PTGFRN: variants seen among roughly 807,000 people sequenced by gnomAD.
PTGFRN encodes prostaglandin F2 receptor negative regulator.
A neutral mutation model predicts 83.2 loss-of-function variants in PTGFRN; 35 were observed. The ratio of observed to expected loss-of-function variants is 0.42; its 90% CI spans 0.32 to 0.56. PTGFRN has a LOEUF of 0.56. Among genes scored for constraint, PTGFRN ranks in the 20% least tolerant of loss-of-function variants. The pLI, the probability that PTGFRN is intolerant of heterozygous loss-of-function variation, is 0.11. For missense variants in PTGFRN, 1,051 were observed against 1,179.5 expected (o/e 0.89, Z 1.60); for synonymous variants, 519 against 498.6 (o/e 1.04, Z -0.55).
At chr1:116,944,553 C>T in intron 2 of PTGFRN, 126 bp from the exon 3 acceptor site, 1 of 964,270 alleles carries the variant, frequency 1.0e-6, no homozygotes, top group African/African-American at 1.7e-5. Flanking sequence ...GTTGGGAAAA[C>T]GTGCCCATCC....
Position 116,961,704 on chromosome 1 carries a change from G to C in PTGFRN, c.1639+36G>C. On this transcript the variant is annotated intron_variant, in intron 5 of 8. Transcript: ENST00000393203. This position sits in a 1 kb window ranked among gnomAD's most constrained non-coding sequence, Gnocchi z 5.4. ...TTTTCTTGTTATTCATTTTTGTTTT[G>C]TCTTTGCTTAAGTCGTGCCGCTGTG... is the stretch of plus-strand genomic sequence containing the variant. The C allele has an allele frequency of 6.4e-7, 1 of 1,572,368 alleles. No homozygotes were observed. Among genetic ancestry groups the C allele is most frequent in the Non-Finnish European group, 8.6e-7 (1 of 1,158,258 alleles).
At chr1:116,984,315 C>T (rs1454006525) in intron 7 of PTGFRN, among the ~76,000 whole-genome samples, 7 of 152,026 alleles carry the variant, frequency 4.6e-5, no homozygotes, top group South Asian at 2.1e-4. Context: ...TACCAGCTTT[C>T]GGATCAGTGT....
At chr1:116,945,158 C>T (rs1221128856) in intron 3 of PTGFRN, 66 bp downstream of exon 3, 4 of 1,524,054 alleles carry the variant, frequency 2.6e-6, no homozygotes, top group South Asian at 1.3e-5. Context: ...TACAAAGAAC[C>T]GGGCCAGGGA....
intron 4 of PTGFRN, among the ~76,000 whole-genome samples, chr1:116,957,352 G>C (rs1403755728): frequency 6.6e-6 from 1 of 151,946 alleles, no homozygotes; most frequent in East Asian, 1.9e-4. Context: ...AGTGAGCTTT[G>C]GGGTGTGAGC....
At chr1:116,938,507 T>G (rs1649978611) in intron 1 of PTGFRN, among the ~76,000 whole-genome samples, 1 of 152,108 alleles carries the variant, frequency 6.6e-6, no homozygotes, top group African/African-American at 2.4e-5. Flanking sequence ...CTCACGAGAC[T>G]TACTCATTAT....
In PTGFRN at chr1:116,949,260, A is replaced by G. The variant is rs754225754; in HGVS notation, c.901A>G (p.Ile301Val). ...AAAGGAACTGGACCTGACCTGTAAC[A>G]TCACAACAGACCGAGCCGATGACGT... ...EGKELDLTCN[I>V]TTDRADDVRP... Residue 301 changes from isoleucine to valine, a missense_variant, in exon 4 of 9, where the codon ATC becomes GTC. Ile to Val is a conservative substitution (Grantham distance 29). Around this residue, in one of 3 missense-constraint regions of PTGFRN, gnomAD observed 719 missense variants for 836.6 expected, o/e 0.86. Coordinates refer to ENST00000393203, the MANE Select transcript of PTGFRN (RefSeq NM_020440.4). The G allele has an allele frequency of 6.2e-6, 10 of 1,614,068 alleles. No homozygotes were observed. Among genetic ancestry groups the G allele is most frequent in the Non-Finnish European group, 8.5e-6 (10 of 1,180,000 alleles).
chr1:116,913,721 T>G (rs1281632426), intron 1 of PTGFRN, among the ~76,000 whole-genome samples: 1 of 152,232 alleles, frequency 6.6e-6, no homozygotes, highest in East Asian at 1.9e-4. Context: ...GTTTGATACA[T>G]ATTGGCTGAC....
At chr1:116,947,920 G>A (rs1570659903) in intron 3 of PTGFRN, among the ~76,000 whole-genome samples, 1 of 152,190 alleles carries the variant, frequency 6.6e-6, no homozygotes, top group Admixed American at 6.5e-5. Context: ...CTAATACTGT[G>A]CCCACCTTAT....
At chr1:116,975,926 A>G (rs1490507748) in intron 7 of PTGFRN, among the ~76,000 whole-genome samples, 1 of 152,262 alleles carries the variant, frequency 6.6e-6, no homozygotes, top group Non-Finnish European at 1.5e-5. Context: ...AACTTCTCTG[A>G]GCTAAAGGAG....
intron 7 of PTGFRN, among the ~76,000 whole-genome samples, chr1:116,983,498 CAAAAAAAAAAA>C (rs71096893): frequency 1.2e-4 from 12 of 104,036 alleles, no homozygotes; most frequent in East Asian, 8.4e-4. Flanking sequence ...ACACTGGGAA[CAAAAAAAAAAA>C]AAAAAAAAAA....
intron 3 of PTGFRN, among the ~76,000 whole-genome samples, chr1:116,945,572 A>G (rs1650176412): frequency 6.6e-6 from 1 of 151,832 alleles, no homozygotes; most frequent in African/African-American, 2.4e-5. Flanking sequence ...CTTTCATCTA[A>G]CTTGTATCCT....
intron 7 of PTGFRN, among the ~76,000 whole-genome samples, chr1:116,982,573 G>A (rs1651350201): frequency 1.3e-5 from 2 of 152,030 alleles, no homozygotes; most frequent in South Asian, 4.2e-4. Context: ...AGACAGACAA[G>A]CACGCGAGTG....
chr1:116,922,326 G>T (rs1649557097), intron 1 of PTGFRN, among the ~76,000 whole-genome samples: 1 of 152,178 alleles, frequency 6.6e-6, no homozygotes, highest in Non-Finnish European at 1.5e-5. Context: ...AAAGGACTAT[G>T]ACCTGATAAG....
intron 7 of PTGFRN, among the ~76,000 whole-genome samples, chr1:116,982,894 T>A (rs1651359223): frequency 6.6e-6 from 1 of 152,136 alleles, no homozygotes; most frequent in African/African-American, 2.4e-5. Context: ...TGTGTGAATT[T>A]TAACAGCCAG....
At chr1:116,984,431 C>T (rs996289882) in intron 7 of PTGFRN, among the ~76,000 whole-genome samples, 2 of 152,132 alleles carry the variant, frequency 1.3e-5, no homozygotes, top group South Asian at 2.1e-4. Context: ...GCTGTACTCC[C>T]TGGGTTAAGC....
chr1:116,928,783 G>A (rs1167913873), intron 1 of PTGFRN, among the ~76,000 whole-genome samples: 1 of 152,088 alleles, frequency 6.6e-6, no homozygotes, highest in Non-Finnish European at 1.5e-5. Context: ...TCAAGCTTTT[G>A]CCTCAAAACT....
chr1:116,977,417 AC>A (rs1326996239), intron 7 of PTGFRN, among the ~76,000 whole-genome samples: 2 of 152,226 alleles, frequency 1.3e-5, no homozygotes, highest in Non-Finnish European at 2.9e-5. Flanking sequence ...AACAGAATAT[AC>A]ATTCTTCTCA....
At chr1:116,986,742 C>A in intron 8 of PTGFRN, 59 bp from the exon 9 acceptor site, 1 of 1,550,916 alleles carries the variant, frequency 6.4e-7, no homozygotes, top group Non-Finnish European at 8.8e-7. Flanking sequence ...GCGAGGGTGC[C>A]CCCAAAGCGG....
intron 4 of PTGFRN, among the ~76,000 whole-genome samples, chr1:116,950,260 C>G (rs1650309601): frequency 6.6e-6 from 1 of 152,124 alleles, no homozygotes; most frequent in Non-Finnish European, 1.5e-5. Context: ...CCTCTTTTTT[C>G]CCTAAATGTT....
Sources: gnomAD v4.1 joint callset for allele counts (sites outside exome capture counted in the v4.1 genomes callset) on GRCh38, gnomAD v4.1.1 for gene constraint, gnomAD v4.1.1 regional missense constraint, Gnocchi (gnomAD v3.1) non-coding constraint, MANE v1.5 for transcripts, NCBI Gene and HGNC (gene_info 2026-07-23, HGNC 2026-07-21) for gene names.